Variants in PLXNA4 observed in about 807,000 individuals in gnomAD.
PLXNA4 encodes the protein plexin-A4.
A neutral mutation model predicts 191.8 loss-of-function variants in PLXNA4; 44 were observed. The ratio of observed to expected loss-of-function variants is 0.23; its 90% CI spans 0.18 to 0.29. PLXNA4 has a LOEUF of 0.29. Ranked by LOEUF, PLXNA4 falls within the 10% of genes least tolerant of loss-of-function variation. The pLI is 1.00. For synonymous variants in PLXNA4, 1,082 were observed against 1,009.5 expected (o/e 1.07, Z -1.36); for missense variants, 1,800 against 2,488.8 (o/e 0.72, Z 5.89).
At chr7:132,262,341 T>C (rs1338212110) in intron 4 of PLXNA4, among the ~76,000 whole-genome samples, 3 of 152,154 alleles carry the variant, frequency 2.0e-5, no homozygotes, top group African/African-American at 7.2e-5. Context: ...CATTAGGCTG[T>C]GGATTATTAA....
chr7:132,406,785 C>T (rs572543425), intron 3 of PLXNA4, among the ~76,000 whole-genome samples: 5 of 152,050 alleles, frequency 3.3e-5, no homozygotes, highest in South Asian at 2.1e-4. Flanking sequence ...CCAGGAGCCA[C>T]GCAACCTCTC....
At chr7:132,634,756 G>GA (rs1803562437) in intron 2 of PLXNA4, among the ~76,000 whole-genome samples, 1 of 152,292 alleles carries the variant, frequency 6.6e-6, no homozygotes, top group Admixed American at 6.5e-5. Context: ...GGGACACGTG[G>GA]ATGTGCCTGC....
intron 3 of PLXNA4, among the ~76,000 whole-genome samples, chr7:132,443,737 G>T (rs1795787613): frequency 6.6e-6 from 1 of 152,212 alleles, no homozygotes; most frequent in African/African-American, 2.4e-5. Flanking sequence ...GAAGGATTCA[G>T]CAGAGAAAAT....
chr7:132,155,832 G>A (rs1378931873), intron 25 of PLXNA4, among the ~76,000 whole-genome samples: 1 of 152,198 alleles, frequency 6.6e-6, no homozygotes, highest in Non-Finnish European at 1.5e-5. Context: ...ATGTTTCTGT[G>A]AGGGTGTCTT....
At chr7:132,309,651 A>G (rs1033535409) in intron 3 of PLXNA4, among the ~76,000 whole-genome samples, 1 of 152,120 alleles carries the variant, frequency 6.6e-6, no homozygotes, top group Non-Finnish European at 1.5e-5. Flanking sequence ...TCCTGCTGGA[A>G]ATCTGGCCTC....
At chr7:132,367,965 G>A (rs1354620272) in intron 3 of PLXNA4, 2 of 152,196 alleles carry the variant, frequency 1.3e-5, no homozygotes, top group Non-Finnish European at 2.9e-5. Flanking sequence ...GCTCGTCGAA[G>A]CCCTCTCTCT....
intron 1 of PLXNA4, among the ~76,000 whole-genome samples, chr7:132,555,258 T>C (rs868284910): frequency 6.6e-6 from 1 of 152,138 alleles, no homozygotes; most frequent in Non-Finnish European, 1.5e-5. Context: ...CCTACAAATA[T>C]TTTTAAATCT....
intron 3 of PLXNA4, among the ~76,000 whole-genome samples, chr7:132,318,521 A>C (rs1297288828): frequency 6.6e-6 from 1 of 152,058 alleles, no homozygotes; most frequent in Admixed American, 6.6e-5. Context: ...CCTCAGCTGC[A>C]GGACTCTCCC....
rs1237043808 is a variant in PLXNA4 at position 132,498,827 on chromosome 7, C to T, written c.1188+8679G>A. On this transcript the variant is annotated intron_variant, in intron 2 of 31. Transcript: ENST00000321063. Reference sequence around the variant, plus strand: ...AGTCATTGTGTTTTAGGAGGTGGGGCTGGGGATTTTGATGCAAATATTCAT... The same window carrying T: ...AGTCATTGTGTTTTAGGAGGTGGGGTTGGGGATTTTGATGCAAATATTCAT... Among the ~76,000 whole-genome samples, 5 of 152,098 alleles carry T rather than the reference C, an allele frequency of 3.3e-5. No homozygotes were observed. The East Asian group carries it at 9.6e-4, about 29-fold the overall frequency.
At position 132,629,857 on chromosome 7, in the gene PLXNA4, C is replaced by CT. The variant is rs34620006; in HGVS notation, c.-87+16070dup. Reference sequence around the variant, plus strand: ...GACAGTGTTCTCTAGTGTCTCTTCTCTTTTTTTTTTGAGACAGAGTCTCGT... The same window carrying CT: ...GACAGTGTTCTCTAGTGTCTCTTCTCTTTTTTTTTTTGAGACAGAGTCTCGT... On this transcript the variant is annotated intron_variant, in intron 2 of 4. Coordinates refer to the PLXNA4 transcript ENST00000378539. 9.1e-3 allele frequency among the ~76,000 whole-genome samples: 1,357 copies of CT among 149,102 alleles called. 17 individuals carry two copies. Among genetic ancestry groups the CT allele is most frequent in the African/African-American group, 0.029 (1,187 of 40,690 alleles).
chr7:132,356,807 G>A (rs1330325265), intron 3 of PLXNA4, among the ~76,000 whole-genome samples: 2 of 152,212 alleles, frequency 1.3e-5, no homozygotes, highest in African/African-American at 2.4e-5. Flanking sequence ...AGAAGTTGGA[G>A]GCAGGACTTC....
Position 132,210,970 on chromosome 7 carries a change from G to C in PLXNA4, c.2271C>G (p.Ser757Arg). 1 of 1,612,996 alleles carries C rather than the reference G, an allele frequency of 6.2e-7. No individual in the cohort carries two copies. The highest frequency in any genetic ancestry group is 8.5e-7 in the Non-Finnish European group (1 of 1,179,952). Residue 757 changes from serine to arginine, a missense_variant, in exon 10 of 32, where the codon AGC becomes AGG. Around this residue, in one of 6 missense-constraint regions of PLXNA4, gnomAD observed 1,397 missense variants for 1,880.4 expected, o/e 0.74. Coordinates refer to ENST00000321063, the MANE Select transcript of PLXNA4 (RefSeq NM_020911.2). Reference protein sequence around the residue: ...EQRVPALRFNSSSVQCQNTSY... With the variant: ...EQRVPALRFNRSSVQCQNTSY... ...AGGTGTTCTGGCACTGTACGCTGGA[G>C]CTGTTGAAGCGCAGGGCGGGCACTC...
rs888165251 is a variant in PLXNA4, at chr7:132,125,254, T to C, written c.*5225A>G. Reference sequence around the variant, plus strand: ...CCACTCTATAAAATAAGGCTCTTGTTTCCTACATAGAGAATGCCTGTAGGG... The same window carrying C: ...CCACTCTATAAAATAAGGCTCTTGTCTCCTACATAGAGAATGCCTGTAGGG... On this transcript the variant is annotated 3_prime_UTR_variant, in exon 32 of 32. Coordinates refer to ENST00000321063, the MANE Select transcript of PLXNA4 (RefSeq NM_020911.2). The C allele has an allele frequency of 3.3e-5, 5 of 152,168 alleles. No homozygotes were observed. Among genetic ancestry groups the C allele is most frequent in the African/African-American group, 1.2e-4 (5 of 41,432 alleles). The allele number at this position is 152,168 out of a possible 1,614,324, so 9.4% of individuals were successfully genotyped here.
chr7:132,439,842 G>A (rs1795621560), intron 3 of PLXNA4, among the ~76,000 whole-genome samples: 1 of 152,224 alleles, frequency 6.6e-6, no homozygotes, highest in Non-Finnish European at 1.5e-5. Flanking sequence ...GGCACTACTA[G>A]AGAGAGAAGC....
chr7:132,327,664 G>A (rs768337830), intron 3 of PLXNA4, among the ~76,000 whole-genome samples: 1 of 152,224 alleles, frequency 6.6e-6, no homozygotes, highest in Non-Finnish European at 1.5e-5. Flanking sequence ...TGAACACTGT[G>A]TGAGGAAGGT....
At chr7:132,502,472 C>A (rs575396671) in intron 2 of PLXNA4, among the ~76,000 whole-genome samples, 1 of 152,282 alleles carries the variant, frequency 6.6e-6, no homozygotes, top group South Asian at 2.1e-4. Flanking sequence ...TGGTTCTCAA[C>A]GAGAGGCTTC....
chr7:132,164,338 G>A (rs1267706040), intron 23 of PLXNA4, 50 bp from the exon 24 acceptor site: 5 of 1,599,578 alleles, frequency 3.1e-6, no homozygotes, highest in Non-Finnish European at 4.3e-6. Context: ...ACACTGGAGT[G>A]TACCCCCAGT....
At chr7:132,595,399 G>A (rs1802690320) in intron 2 of PLXNA4, among the ~76,000 whole-genome samples, 1 of 152,116 alleles carries the variant, frequency 6.6e-6, no homozygotes, top group Admixed American at 6.6e-5. Context: ...ATGGAGACTG[G>A]CTGCCTGACT....
Position 132,334,632 on chromosome 7 carries a change from A to G in PLXNA4, c.1372-36410T>C, listed in dbSNP as rs1331420520. The stretch of plus-strand genomic sequence containing the variant: ...GATTGCAAACAATGAGGAAGTCACA[A>G]TTCAGGGCCTGCAAATGATATCTGG... On this transcript the variant is annotated intron_variant, in intron 3 of 31. Transcript: ENST00000321063. Among the ~76,000 whole-genome samples, 8 of 152,176 alleles carry G rather than the reference A, an allele frequency of 5.3e-5. No homozygotes were observed. In the East Asian group the frequency reaches 1.5e-3, roughly 29 times the overall value.
Sources: allele counts gnomAD v4.1 joint callset (sites outside exome capture counted in the v4.1 genomes callset), GRCh38; gene constraint gnomAD v4.1.1; regional missense constraint gnomAD v4.1.1; transcripts MANE v1.5; gene names NCBI Gene and HGNC (gene_info 2026-07-23, HGNC 2026-07-21).